Variants in CHD4 observed in about 807,000 individuals in gnomAD.
The protein encoded by CHD4 is chromodomain helicase DNA binding protein 4, also known as ATP-dependent chromatin remodeler CHD4.
A neutral mutation model predicts 235.5 loss-of-function variants in CHD4; 35 were observed. The ratio of observed to expected loss-of-function variants is 0.15; its 90% CI spans 0.11 to 0.20. The LOEUF is 0.20. Ranked by LOEUF, CHD4 falls within the 10% of genes least tolerant of loss-of-function variation. The pLI, the probability that CHD4 is intolerant of heterozygous loss-of-function variation, is 1.00. For synonymous variants in CHD4, 900 were observed against 850.2 expected, an observed-to-expected ratio of 1.06 and a Z score of -1.02; for missense variants, 1,329 against 2,432.3, an observed-to-expected ratio of 0.55 and a Z score of 9.54.
chr12:6,597,796 T>C (rs1948525635), intron 12 of CHD4, 98 bp downstream of exon 12: 1 of 1,073,770 alleles, frequency 9.3e-7, no homozygotes, highest in African/African-American at 1.6e-5. Context: ...AAAACCAGTG[T>C]CTTCCAAGTC....
intron 2 of CHD4, among the ~76,000 whole-genome samples, chr12:6,603,407 G>C (rs1038291278): frequency 6.6e-6 from 1 of 152,118 alleles, no homozygotes; most frequent in African/African-American, 2.4e-5. Flanking sequence ...AAAGGGGGGT[G>C]GGTAGAGAAA....
At chr12:6,581,838 G>T (rs1948198101) in intron 30 of CHD4, 24 bp from the exon 31 acceptor site, 1 of 1,504,316 alleles carries the variant, frequency 6.6e-7, no homozygotes, top group East Asian at 2.3e-5. Flanking sequence ...ACAAGAAGTT[G>T]AAGACCCAAT....
chr12:6,606,640 C>A (rs1468041865), intron 1 of CHD4, 189 bp from the exon 2 acceptor site: 4 of 364,076 alleles, frequency 1.1e-5, no homozygotes, highest in Non-Finnish European at 2.0e-5. Context: ...GGCGCCCCCA[C>A]GGAGCGAGGG....
At chr12:6,591,207 G>A in intron 22 of CHD4, 1 of 243,220 alleles carries the variant, frequency 4.1e-6, no homozygotes, top group African/African-American at 2.4e-5. Context: ...ATTTGAGCTT[G>A]AACAAGTCCT....
chr12:6,591,557 C>T lies in CHD4; in HGVS notation c.3249G>A (p.Glu1083=). 2 of 1,614,166 alleles carry T rather than the reference C, an allele frequency of 1.2e-6. No individual in the cohort carries two copies. Among genetic ancestry groups the T allele is most frequent in the Non-Finnish European group, 1.7e-6 (2 of 1,180,024 alleles). ...TATAACCTTCATGTTCCAAGAAATC[C>T]TCTAGCAGGTCTAGCATCTTGGTCA... ...SQMTKMLDLL[E]DFLEHEGYKY... is the part of the protein sequence containing the mutation. Residue 1083 remains glutamate, a synonymous_variant, in exon 22 of 40, where the codon GAG becomes GAA. Transcript: ENST00000544040.
intron 13 of CHD4, 132 bp from the exon 14 acceptor site, chr12:6,595,562 C>A (rs1353936647): frequency 1.5e-6 from 1 of 674,996 alleles, no homozygotes; most frequent in Non-Finnish European, 2.5e-6. Flanking sequence ...CTGAGACGGG[C>A]GGATCACCTG....
In CHD4 at chr12:6,602,389, C is replaced by G. The variant is rs377735756; in HGVS notation, c.209G>C (p.Arg70Pro). Residue 70 changes from arginine (R) to proline (P), a missense_variant, in exon 3 of 40, where the codon CGC (arginine) becomes CCC (proline). By Grantham distance (103) the Arg-to-Pro change is moderately radical (BLOSUM62 -2). Transcript: ENST00000544040. ...TCACCCACTCACCTCCTTTTTTTGG[C>G]GCTTGCTCTTAGGGATTTTAGGGTC... Reference protein sequence around the residue: ...PRDPKIPKSKRQKKERMLLCR... With the variant: ...PRDPKIPKSKPQKKERMLLCR... 1 of 1,613,324 alleles carries G rather than the reference C, an allele frequency of 6.2e-7. No homozygotes were observed. Among genetic ancestry groups the G allele is most frequent in the African/African-American group, 1.3e-5 (1 of 74,870 alleles).
chr12:6,591,350 T>C, intron 22 of CHD4, 116 bp downstream of exon 22: 1 of 781,280 alleles, frequency 1.3e-6, no homozygotes, highest in African/African-American at 1.7e-5. Flanking sequence ...CTTTACTCCA[T>C]CTCAAATGAC....
In CHD4 at chr12:6,599,686, C is replaced by G. The variant is rs959987376; in HGVS notation, c.1482+87G>C. ...TCTCAGGGCTGAAAAGCTCATAGTT[C>G]CTCTCCTGCACCCCAGCCTCACAAT... On this transcript the variant is annotated intron_variant, in intron 10 of 39. Transcript: ENST00000544040. 19 of 1,532,106 alleles carry G rather than the reference C, an allele frequency of 1.2e-5. No homozygotes were observed. The Admixed American group carries it at 3.3e-4, about 27-fold the overall frequency. The allele number at this position is 1,532,106 out of a possible 1,614,324, so 94.9% of individuals were successfully genotyped here. A position where few individuals can be genotyped will look rare whatever the true frequency, so the allele number is the denominator to read the frequency against.
rs966707770 is a variant in CHD4 at position 6,588,018 on chromosome 12, A to G, written c.3466-69T>C. 4.1e-6 allele frequency: 6 copies of G among 1,476,122 alleles called. No individual in the cohort carries two copies. The African/African-American group carries it at 6.9e-5, about 17-fold the overall frequency. The allele number at this position is 1,476,122 out of a possible 1,614,324, so 91.4% of individuals were successfully genotyped here. ...GTGCCACTCTTATCCTGACTTCCAC[A>G]TAATATTCTAAATTCAGTACAAGGC... On this transcript the variant is annotated intron_variant, in intron 23 of 39. Transcript: ENST00000544040.
At position 6,591,790 on chromosome 12, in the gene CHD4, G is replaced by A. The variant is rs1948405861; in HGVS notation, c.3126C>T (p.Gly1042=). 1 of 1,614,062 alleles carries A rather than the reference G, an allele frequency of 6.2e-7. No homozygotes were observed. Among genetic ancestry groups the A allele is most frequent in the Non-Finnish European group, 8.5e-7 (1 of 1,180,044 alleles). The change falls in exon 21 of 40, where the codon GGC becomes GGT. Residue 1042 remains glycine (G), a synonymous_variant. Coordinates refer to ENST00000544040, the MANE Select transcript of CHD4 (RefSeq NM_001273.5). ...TCCCAGATGCTCTGATTAGGGCACTGCCATCATACATGCCATTAGGCATCT... is the reference window on the plus strand; with the variant it reads ...TCCCAGATGCTCTGATTAGGGCACTACCATCATACATGCCATTAGGCATCT... ...APKMPNGMYD[G]SALIRASGKL... is the part of the protein sequence containing the mutation.
intron 33 of CHD4, among the ~76,000 whole-genome samples, chr12:6,580,055 CA>C (rs766330469): frequency 0.33 from 22,480 of 69,016 alleles, 2,364 homozygotes; most frequent in African/African-American, 0.5. Flanking sequence ...GACTCCGTCT[CA>C]AAAAAAAAAA....
At chr12:6,590,628 G>A (rs1248466284) in intron 22 of CHD4, among the ~76,000 whole-genome samples, 2 of 152,044 alleles carry the variant, frequency 1.3e-5, no homozygotes, top group African/African-American at 2.4e-5. Flanking sequence ...TGATCAGCCT[G>A]GGCAACATGG....
chr12:6,578,853 T>C lies in CHD4; in HGVS notation c.4974A>G (p.Glu1658=). 1 of 1,614,192 alleles carries C rather than the reference T, an allele frequency of 6.2e-7. No individual in the cohort carries two copies. The highest frequency in any genetic ancestry group is 8.5e-7 in the Non-Finnish European group (1 of 1,180,002). ...SAIDLTPIVV[E]DKEEKKEEEE... ...ACTTCTCCAAACACCCACCTTTGTC[T>C]TCTACCACAATAGGGGTCAGATCTA... Residue 1658 remains glutamate, a synonymous_variant, in exon 34 of 40, where the codon GAA becomes GAG. Transcript: ENST00000544040.
intron 33 of CHD4, chr12:6,580,712 A>AAAAAAAAAC: frequency 4.5e-6 from 1 of 221,312 alleles, no homozygotes. Flanking sequence ...TTGAAAAAAA[A>AAAAAAAAAC]AAAAAAAAAA....
At chr12:6,580,710 A>AAAAAAAAAAAAAAAAAAAC (rs1948167771) in intron 33 of CHD4, 1 of 196,060 alleles carries the variant, frequency 5.1e-6, no homozygotes, top group African/African-American at 3.1e-5. Context: ...CTTTGAAAAA[A>AAAAAAAAAAAAAAAAAAAC]AAAAAAAAAA....
At chr12:6,577,417 CAAAAAAAAAA>C (rs60910415) in intron 37 of CHD4, among the ~76,000 whole-genome samples, 5,728 of 87,318 alleles carry the variant, frequency 0.066, 167 homozygotes, top group Non-Finnish European at 0.1. Flanking sequence ...GATTCTGCCT[CAAAAAAAAAA>C]AAAAAAAAAA....
Position 6,592,402 on chromosome 12 carries a change from G to A in CHD4, c.2939C>T (p.Pro980Leu). ...TELIVRVELS[P>L]MQKKYYKYIL... ...GTCCCTCCCAACTCACTTCTGCATA[G>A]GGCTCAGCTCCACACGCACAATTAG... Residue 980 changes from proline to leucine, a missense_variant, in exon 19 of 40, where the codon CCT becomes CTT. By Grantham distance (98) the Pro-to-Leu change is moderately conservative (BLOSUM62 -3). Around this residue, in one of 26 missense-constraint regions of CHD4, gnomAD observed 23 missense variants for 130.0 expected, o/e 0.18. Transcript: ENST00000544040. 6.3e-7 allele frequency: 1 copy of A among 1,584,356 alleles called. No homozygotes were observed. The highest frequency in any genetic ancestry group is 1.8e-5 in the Admixed American group (1 of 55,776).
chr12:6,606,342 C>A lies in CHD4; in HGVS notation c.32G>T (p.Cys11Phe). The change falls in exon 2 of 40, where the codon TGC (cysteine) becomes TTC (phenylalanine). Residue 11 changes from cysteine (C) to phenylalanine (F), a missense_variant. This residue lies in a region of CHD4 where 213 missense variants were observed against 177.5 expected (regional missense o/e 1.20). Transcript: ENST00000544040. Reference protein sequence around the residue: MASGLGSPSPCSAGSEEEDMD... With the variant: MASGLGSPSPFSAGSEEEDMD... ...ATCCTCCTCCTCACTGCCCGCCGAG[C>A]AGGGGGACGGGGAGCCCAGGCCCGA... is the stretch of plus-strand genomic sequence containing the variant. 6.4e-7 allele frequency: 1 copy of A among 1,571,872 alleles called. No homozygotes were observed. Among genetic ancestry groups the A allele is most frequent in the Non-Finnish European group, 8.6e-7 (1 of 1,161,974 alleles).
Sources: allele counts gnomAD v4.1 joint callset (sites outside exome capture counted in the v4.1 genomes callset), GRCh38; gene constraint gnomAD v4.1.1; regional missense constraint gnomAD v4.1.1; transcripts MANE v1.5; gene names NCBI Gene and HGNC (gene_info 2026-07-23, HGNC 2026-07-21).